The following GADL1 variants were observed in gnomAD, a reference collection of about 807,000 sequenced individuals.
GADL1 encodes acidic amino acid decarboxylase GADL1.
Under a neutral mutation model 69.5 loss-of-function variants are expected in GADL1, and 71 were observed. The ratio of observed to expected loss-of-function variants is 1.02; its 90% CI spans 0.84 to 1.25. The LOEUF (loss-of-function observed/expected upper bound fraction) is 1.25. Ranked by LOEUF, GADL1 falls within the 50% of genes most tolerant of loss-of-function variation. The pLI is 0.00. For synonymous variants in GADL1, 254 were observed against 214.4 expected (o/e 1.18, Z -1.62); for missense variants, 737 against 631.8 (o/e 1.17, Z -1.79).
chr3:30,850,972 A>T lies in GADL1; in HGVS notation c.429-31T>A, dbSNP rs937616718. On this transcript the variant is annotated intron_variant, in intron 4 of 14. Coordinates refer to ENST00000282538, the MANE Select transcript of GADL1 (RefSeq NM_207359.3). ...TAGATATAAAAAACACTTCACTTCT[A>T]TGACTAGAGTCAAAACATTCCTTTG... The T allele has an allele frequency of 2.4e-6, 3 of 1,259,300 alleles. No individual in the cohort carries two copies. The African/African-American group carries it at 4.5e-5, about 19-fold the overall frequency. The allele number at this position is 1,259,300 out of a possible 1,614,324, so 78.0% of individuals were successfully genotyped here. A position where few individuals can be genotyped will look rare whatever the true frequency, so the allele number is the denominator to read the frequency against.
rs573406989 is a variant in GADL1, at chr3:30,809,622, G to A, written c.1051-8534C>T. ...CAATCTCCACTCAAATCCTCAATTT[G>A]TTCTCCAATTCTCACTTCCTTCCCA... On this transcript the variant is annotated intron_variant, in intron 11 of 14. Transcript: ENST00000282538. 2.6e-5 allele frequency among the ~76,000 whole-genome samples: 4 copies of A among 152,214 alleles called. No individual in the cohort carries two copies. In the East Asian group the frequency reaches 5.8e-4, roughly 22 times the overall value.
intron 14 of GADL1, among the ~76,000 whole-genome samples, chr3:30,752,206 G>A (rs1695838618): frequency 6.6e-6 from 1 of 152,146 alleles, no homozygotes; most frequent in East Asian, 1.9e-4. Flanking sequence ...GTAACTTTAG[G>A]GTTTTCGACA....
chr3:30,814,519 T>C (rs1697424044), intron 11 of GADL1, among the ~76,000 whole-genome samples: 1 of 152,200 alleles, frequency 6.6e-6, no homozygotes, highest in South Asian at 2.1e-4. Flanking sequence ...GCATGAAAGC[T>C]GCCATAGAGG....
At chr3:30,773,603 C>T (rs964978290) in intron 14 of GADL1, among the ~76,000 whole-genome samples, 1 of 152,026 alleles carries the variant, frequency 6.6e-6, no homozygotes, top group African/African-American at 2.4e-5. Context: ...TTTTAAACCC[C>T]TTTTTAATAT....
intron 14 of GADL1, among the ~76,000 whole-genome samples, chr3:30,751,582 A>T (rs1023546748): frequency 6.6e-6 from 1 of 151,812 alleles, no homozygotes; most frequent in Non-Finnish European, 1.5e-5. Flanking sequence ...GGCTTTCTAG[A>T]ACTTGAGTGG....
At chr3:30,810,637 A>G (rs1363705755) in intron 11 of GADL1, among the ~76,000 whole-genome samples, 2 of 152,130 alleles carry the variant, frequency 1.3e-5, no homozygotes, top group Non-Finnish European at 2.9e-5. Context: ...CCCTGTGTCC[A>G]GCTCAAGGCA....
At chr3:30,828,483 G>GC (rs1188886881) in intron 11 of GADL1, among the ~76,000 whole-genome samples, 1 of 150,428 alleles carries the variant, frequency 6.6e-6, no homozygotes, top group Non-Finnish European at 1.5e-5. Flanking sequence ...TAAAAGTGGG[G>GC]GGGGTGCGGG....
chr3:30,842,984 C>T (rs890077578), intron 8 of GADL1, among the ~76,000 whole-genome samples: 4 of 151,274 alleles, frequency 2.6e-5, no homozygotes, highest in African/African-American at 9.7e-5. Flanking sequence ...AGTACAACAA[C>T]AGAACTATAA....
chr3:30,845,542 CT>C (rs1575231925), intron 6 of GADL1, among the ~76,000 whole-genome samples: 1 of 152,034 alleles, frequency 6.6e-6, no homozygotes, highest in South Asian at 2.1e-4. Context: ...ATTGGGAGCT[CT>C]TTTTTTAACT....
At chr3:30,844,359 C>G (rs1330524159) in intron 7 of GADL1, 28 bp downstream of exon 7, 1 of 1,587,456 alleles carries the variant, frequency 6.3e-7, no homozygotes, top group Non-Finnish European at 8.7e-7. Flanking sequence ...CCTCCACCCA[C>G]CAGGCTTCCA....
intron 1 of GADL1, among the ~76,000 whole-genome samples, chr3:30,875,777 C>G (rs927096175): frequency 6.6e-6 from 1 of 151,814 alleles, no homozygotes; most frequent in Non-Finnish European, 1.5e-5. Flanking sequence ...TCTCTGAAGT[C>G]AAATGCCGTG....
rs115482512 is a variant in GADL1 at position 30,731,843 on chromosome 3, G to A, written c.1393-3428C>T. Among the ~76,000 whole-genome samples the A allele has an allele frequency of 6.9e-3, 1,046 of 152,182 alleles. 18 individuals carry two copies. The highest frequency in any genetic ancestry group is 0.024 in the African/African-American group (1,010 of 41,498). ...GGTCTCCCTTGTCTATGAATACTTCGCGGGAAAGAAAGTAATAACATCAAA... is the reference window on the plus strand; with the variant it reads ...GGTCTCCCTTGTCTATGAATACTTCACGGGAAAGAAAGTAATAACATCAAA... On this transcript the variant is annotated intron_variant, in intron 14 of 14. Transcript: ENST00000282538.
intron 1 of GADL1, among the ~76,000 whole-genome samples, chr3:30,866,628 A>G (rs1447107594): frequency 6.6e-6 from 1 of 151,926 alleles, no homozygotes; most frequent in Non-Finnish European, 1.5e-5. Context: ...GGAAGAGAGG[A>G]CCACAGTGGT....
At chr3:30,886,201 C>T (rs1177258473) in intron 1 of GADL1, among the ~76,000 whole-genome samples, 6 of 152,102 alleles carry the variant, frequency 3.9e-5, no homozygotes, top group African/African-American at 1.4e-4. Flanking sequence ...AAGAACTGTA[C>T]TTGATCGCCT....
intron 14 of GADL1, among the ~76,000 whole-genome samples, chr3:30,735,622 G>A (rs1178560084): frequency 6.6e-6 from 1 of 152,220 alleles, no homozygotes; most frequent in Non-Finnish European, 1.5e-5. Context: ...TGGTTGCCAG[G>A]ACTTGGGCTG....
Position 30,857,247 on chromosome 3 carries a change from A to C in GADL1, c.211-106T>G, listed in dbSNP as rs1698243890. Reference sequence around the variant, plus strand: ...TTACAAAGCTTCTGGGCAGCGGGTGATTTAAACATGCAACTATAGTTCAGA... The same window carrying C: ...TTACAAAGCTTCTGGGCAGCGGGTGCTTTAAACATGCAACTATAGTTCAGA... On this transcript the variant is annotated intron_variant, in intron 2 of 14. Transcript: ENST00000282538. 5 of 906,014 alleles carry C rather than the reference A, an allele frequency of 5.5e-6. No individual in the cohort carries two copies. In the South Asian group the frequency reaches 8.4e-5, roughly 15 times the overall value. The allele number at this position is 906,014 out of a possible 1,614,324, so 56.1% of individuals were successfully genotyped here. A position where few individuals can be genotyped will look rare whatever the true frequency, so the allele number is the denominator to read the frequency against.
intron 14 of GADL1, among the ~76,000 whole-genome samples, chr3:30,762,470 A>G (rs1027218923): frequency 2.6e-5 from 4 of 152,188 alleles, no homozygotes; most frequent in Non-Finnish European, 4.4e-5. Context: ...TAACATTTTT[A>G]TAATAAACTT....
intron 11 of GADL1, among the ~76,000 whole-genome samples, chr3:30,815,610 G>A (rs1014483028): frequency 6.6e-6 from 1 of 152,164 alleles, no homozygotes; most frequent in Non-Finnish European, 1.5e-5. Context: ...TCTGGGGACC[G>A]AATTGAGTTA....
At chr3:30,748,457 T>A (rs1186696611) in intron 14 of GADL1, among the ~76,000 whole-genome samples, 5 of 151,544 alleles carry the variant, frequency 3.3e-5, no homozygotes, top group African/African-American at 1.2e-4. Context: ...AACACCCCCA[T>A]AGAGTTGATA....
Sources: gnomAD v4.1 joint callset for allele counts (sites outside exome capture counted in the v4.1 genomes callset) on GRCh38, gnomAD v4.1.1 for gene constraint, MANE v1.5 for transcripts, NCBI Gene and HGNC (gene_info 2026-07-23, HGNC 2026-07-21) for gene names.